The following ZNF728 variants were observed in gnomAD, a reference collection of about 807,000 sequenced individuals.
The protein encoded by ZNF728 is zinc finger protein 728.
In ZNF728, 12 loss-of-function variants were observed where a neutral mutation model predicts 12.5. The ratio of observed to expected loss-of-function variants is 0.96; its 90% CI spans 0.61 to 1.55. ZNF728 has a LOEUF of 1.55. Among genes scored for constraint, ZNF728 ranks in the 40% most tolerant of loss-of-function variants. The pLI is 0.00. For missense variants in ZNF728, 692 were observed against 719.2 expected (o/e 0.96, Z 0.43); for synonymous variants, 205 against 240.7 (o/e 0.85, Z 1.37).
At chr19:23,002,883 G>A (rs1018353056) in intron 1 of ZNF728, 145 bp downstream of exon 1, 1 of 1,076,782 alleles carries the variant, frequency 9.3e-7, no homozygotes, top group Non-Finnish European at 1.3e-6. Context: ...GCCTGAAGCG[G>A]ACTGAGGTCG....
chr19:22,976,328 C>G lies in ZNF728; in HGVS notation c.1009G>C (p.Glu337Gln). 6.2e-7 allele frequency: 1 copy of G among 1,613,420 alleles called. No individual in the cohort carries two copies. Among genetic ancestry groups the G allele is most frequent in the Non-Finnish European group, 8.5e-7 (1 of 1,179,930 alleles). ...CATTCTTCACATTTGCAGGGCTTCT[C>G]TCCAGTATGAATTCTCTTATGTTCC... Reference protein sequence around the residue: ...LMEHKRIHTGEKPCKCEECGK... With the variant: ...LMEHKRIHTGQKPCKCEECGK... The change falls in exon 4 of 4, where the codon GAG becomes CAG. Residue 337 changes from glutamate to glutamine, a missense_variant. Around this residue, in one of 3 missense-constraint regions of ZNF728, gnomAD observed 440 missense variants for 459.6 expected, o/e 0.96. Coordinates refer to ENST00000594710, the MANE Select transcript of ZNF728 (RefSeq NM_001267716.2).
Position 22,977,118 on chromosome 19 carries a change from G to A in ZNF728, c.227-8C>T. On this transcript the variant is annotated splice_region_variant and splice_polypyrimidine_tract_variant and intron_variant, in intron 3 of 3. Transcript: ENST00000594710. ...CAAAATGAGAACATATAACTGAAAA[G>A]AAATAAAAATAACAAATTAGTCCAC... The A allele has an allele frequency of 1.3e-6, 2 of 1,530,086 alleles. No individual in the cohort carries two copies. The highest frequency in any genetic ancestry group is 2.3e-5 in the East Asian group (1 of 43,542). The allele number at this position is 1,530,086 out of a possible 1,614,324, so 94.8% of individuals were successfully genotyped here.
At chr19:22,986,688 ACT>A (rs200988853) in intron 3 of ZNF728, among the ~76,000 whole-genome samples, 49 of 152,040 alleles carry the variant, frequency 3.2e-4, no homozygotes, top group African/African-American at 1.1e-3. Flanking sequence ...GATTCAATAA[ACT>A]CTCTATCAAT....
chr19:22,986,998 T>TA (rs1167686103), intron 3 of ZNF728, among the ~76,000 whole-genome samples: 1 of 152,094 alleles, frequency 6.6e-6, no homozygotes, highest in Non-Finnish European at 1.5e-5. Flanking sequence ...ATTATGGAAA[T>TA]ATCTGTGTCC....
At chr19:22,977,682 A>G (rs1014816703) in intron 3 of ZNF728, among the ~76,000 whole-genome samples, 3 of 150,982 alleles carry the variant, frequency 2.0e-5, no homozygotes, top group Non-Finnish European at 2.9e-5. Flanking sequence ...CAGAAGAAAC[A>G]TAAATAATCT....
At chr19:22,991,326 G>T (rs1968985346) in intron 1 of ZNF728, among the ~76,000 whole-genome samples, 1 of 152,118 alleles carries the variant, frequency 6.6e-6, no homozygotes. Context: ...TTGATACTAA[G>T]TGTTCAGTAA....
intron 3 of ZNF728, among the ~76,000 whole-genome samples, chr19:22,980,295 T>C (rs753290635): frequency 1.0e-4 from 15 of 150,246 alleles, no homozygotes; most frequent in Non-Finnish European, 1.5e-4. Flanking sequence ...GGGCATTACA[T>C]AATGGTAAAG....
chr19:22,999,938 T>A (rs1026171203), intron 1 of ZNF728, among the ~76,000 whole-genome samples: 3 of 152,224 alleles, frequency 2.0e-5, no homozygotes, highest in African/African-American at 7.2e-5. Flanking sequence ...TCACCAATTA[T>A]CTACCACATT....
In ZNF728 at chr19:22,976,822, A is replaced by T; in HGVS notation, c.515T>A (p.Leu172His). Residue 172 changes from leucine to histidine, a missense_variant, in exon 4 of 4, where the codon CTT becomes CAT. Coordinates refer to ENST00000594710, the MANE Select transcript of ZNF728 (RefSeq NM_001267716.2). ...RHKIRHTGKK[L>H]LKCKEYVRSF... ...TCTGACATATTCTTTACATTTCAAAAGTTTCTTTCCAGTATGCCTTATCTT... is the reference window on the plus strand; with the variant it reads ...TCTGACATATTCTTTACATTTCAAATGTTTCTTTCCAGTATGCCTTATCTT... 1 of 1,613,432 alleles carries T rather than the reference A, an allele frequency of 6.2e-7. No homozygotes were observed. Among genetic ancestry groups the T allele is most frequent in the Non-Finnish European group, 8.5e-7 (1 of 1,179,778 alleles).
At chr19:23,001,487 A>T (rs1036804617) in intron 1 of ZNF728, among the ~76,000 whole-genome samples, 1 of 152,152 alleles carries the variant, frequency 6.6e-6, no homozygotes, top group Non-Finnish European at 1.5e-5. Context: ...AAGACCCAGG[A>T]GCTGATATTC....
At chr19:22,992,553 A>G (rs1568277469) in intron 1 of ZNF728, among the ~76,000 whole-genome samples, 3 of 149,214 alleles carry the variant, frequency 2.0e-5, no homozygotes, top group Non-Finnish European at 3.0e-5. Context: ...TGCTTCATCT[A>G]TTTTTTTTTT....
In ZNF728 at chr19:22,975,184, T is replaced by C. The variant is rs146758218; in HGVS notation, c.*284A>G. 2.8e-3 allele frequency among the ~76,000 whole-genome samples: 419 copies of C among 152,336 alleles called. 2 individuals carry two copies. The highest frequency in any genetic ancestry group is 3.4e-3 in the Middle Eastern group (1 of 294). On this transcript the variant is annotated 3_prime_UTR_variant, in exon 4 of 4. Transcript: ENST00000594710. ...TGAATTAGCTTATGTCTGTTAAGAA[T>C]TGAGGATCTGTTAGAGGCTTTCCCA...
chr19:22,980,497 T>C (rs1465650071), intron 3 of ZNF728, among the ~76,000 whole-genome samples: 2 of 152,022 alleles, frequency 1.3e-5, no homozygotes, highest in Non-Finnish European at 1.5e-5. Flanking sequence ...ACAAGGATAT[T>C]CAGGATGTGA....
chr19:22,984,591 C>G (rs937160738), intron 3 of ZNF728, among the ~76,000 whole-genome samples: 1 of 148,382 alleles, frequency 6.7e-6, no homozygotes, highest in Non-Finnish European at 1.5e-5. Flanking sequence ...CACACACACA[C>G]ACACACACAC....
chr19:22,992,345 C>A (rs146840574), intron 1 of ZNF728, among the ~76,000 whole-genome samples: 2 of 152,058 alleles, frequency 1.3e-5, no homozygotes, highest in South Asian at 2.1e-4. Context: ...CAGGTTCAAG[C>A]GATTCTCCTG....
intron 3 of ZNF728, among the ~76,000 whole-genome samples, chr19:22,987,087 T>C (rs1439489526): frequency 6.6e-6 from 1 of 152,158 alleles, no homozygotes; most frequent in East Asian, 1.9e-4. Flanking sequence ...CACTGTAAAC[T>C]TGAAGGAAGA....
At position 22,975,578 on chromosome 19, in the gene ZNF728, C is replaced by A; in HGVS notation, c.1759G>T (p.Ala587Ser). ...SVLNKHKKIH[A>S]GKKFYKCEEC... ...TCACATTTGTAGAATTTCTTTCCAG[C>A]ATGAATTTTCTTATGTTTGTTAAGG... The change falls in exon 4 of 4, where the codon GCT becomes TCT. Residue 587 changes from alanine to serine, a missense_variant. Physicochemically the swap from Ala to Ser is moderately conservative, Grantham distance 99 (BLOSUM62 1). This residue lies in a region of ZNF728 where 244 missense variants were observed against 235.2 expected (regional missense o/e 1.04). Coordinates refer to ENST00000594710, the MANE Select transcript of ZNF728 (RefSeq NM_001267716.2). 6.3e-7 allele frequency: 1 copy of A among 1,599,404 alleles called. No individual in the cohort carries two copies. Among genetic ancestry groups the A allele is most frequent in the Non-Finnish European group, 8.5e-7 (1 of 1,174,598 alleles).
At chr19:22,998,353 A>G (rs1276669991) in intron 1 of ZNF728, among the ~76,000 whole-genome samples, 1 of 130,776 alleles carries the variant, frequency 7.6e-6, no homozygotes, top group African/African-American at 3.6e-5. Context: ...AATCCCATCT[A>G]TAAAAAAAAA....
At chr19:22,982,333 G>T (rs1968868591) in intron 3 of ZNF728, among the ~76,000 whole-genome samples, 1 of 152,084 alleles carries the variant, frequency 6.6e-6, no homozygotes, top group East Asian at 1.9e-4. Context: ...TCTTCAAGGA[G>T]AACTACAAAC....
Sources: gnomAD v4.1 joint callset for allele counts (sites outside exome capture counted in the v4.1 genomes callset) on GRCh38, gnomAD v4.1.1 for gene constraint, gnomAD v4.1.1 regional missense constraint, MANE v1.5 for transcripts, NCBI Gene and HGNC (gene_info 2026-07-23, HGNC 2026-07-21) for gene names.